The following CDYL variants were observed in gnomAD, a reference collection of about 807,000 sequenced individuals.
CDYL encodes chromodomain Y like, also known as chromodomain Y-like protein.
CDYL carries 8 observed loss-of-function variants against 47.3 expected under a neutral mutation model. That is an observed-to-expected ratio of 0.17 (90% CI 0.10 to 0.31). CDYL has a LOEUF of 0.31. Ranked by LOEUF, CDYL falls within the 10% of genes least tolerant of loss-of-function variation. CDYL has a pLI of 1.00. For synonymous variants in CDYL, 266 were observed against 265.0 expected, an observed-to-expected ratio of 1.00 and a Z score of -0.04; for missense variants, 471 against 701.4, an observed-to-expected ratio of 0.67 and a Z score of 3.71.
At chr6:4,849,383 T>G (rs1760754395) in intron 1 of CDYL, among the ~76,000 whole-genome samples, 1 of 152,194 alleles carries the variant, frequency 6.6e-6, no homozygotes, top group Non-Finnish European at 1.5e-5. Context: ...ACCTTAATGA[T>G]TATCTGACAA....
intron 3 of CDYL, among the ~76,000 whole-genome samples, chr6:4,743,547 C>T (rs1015403207): frequency 6.6e-6 from 1 of 152,186 alleles, no homozygotes; most frequent in African/African-American, 2.4e-5. Context: ...ATGTTGCTTG[C>T]TTTATATTAT....
intron 3 of CDYL, among the ~76,000 whole-genome samples, chr6:4,937,123 A>G (rs1385279792): frequency 6.6e-6 from 1 of 152,206 alleles, no homozygotes; most frequent in Non-Finnish European, 1.5e-5. Flanking sequence ...TTGGGAGGCC[A>G]AGGCAGGAGG....
intron 1 of CDYL, among the ~76,000 whole-genome samples, chr6:4,889,806 T>C (rs1027910967): frequency 6.6e-6 from 1 of 152,218 alleles, no homozygotes; most frequent in African/African-American, 2.4e-5. Context: ...TATGACTTCC[T>C]TATGTATACT....
chr6:4,805,244 A>G (rs1399618326), intron 1 of CDYL, among the ~76,000 whole-genome samples: 1 of 152,268 alleles, frequency 6.6e-6, no homozygotes, highest in Non-Finnish European at 1.5e-5. Context: ...GAACTCATGT[A>G]ATCTAAGTAA....
chr6:4,835,479 C>T (rs1483457322), intron 1 of CDYL, among the ~76,000 whole-genome samples: 2 of 152,220 alleles, frequency 1.3e-5, no homozygotes, highest in Non-Finnish European at 2.9e-5. Context: ...CAGTCCGCCC[C>T]TACTGGGGAG....
rs147015451 is a variant in CDYL at position 4,804,846 on chromosome 6, C to T, written c.24+28039C>T. The stretch of plus-strand genomic sequence containing the variant: ...TAACTGGAAGGCTTTTTTAGTCCAT[C>T]ACTTAAAACACAAACGTGGAAAATG... On this transcript the variant is annotated intron_variant, in intron 1 of 6. Transcript: ENST00000397588. 4.3e-4 allele frequency among the ~76,000 whole-genome samples: 66 copies of T among 152,340 alleles called. No individual in the cohort carries two copies. In the East Asian group the frequency reaches 0.011, roughly 25 times the overall value.
At chr6:4,863,545 G>A (rs769352255) in intron 1 of CDYL, among the ~76,000 whole-genome samples, 32 of 152,184 alleles carry the variant, frequency 2.1e-4, no homozygotes, top group Non-Finnish European at 3.5e-4. Flanking sequence ...TTTGCATTTG[G>A]TGGCATTCTT....
At chr6:4,950,948 A>AAG (rs1758684319) in intron 5 of CDYL, among the ~76,000 whole-genome samples, 1 of 150,058 alleles carries the variant, frequency 6.7e-6, no homozygotes, top group Non-Finnish European at 1.5e-5. Context: ...AAAAAAAAAA[A>AAG]CTTGCAAACC....
intron 1 of CDYL, among the ~76,000 whole-genome samples, chr6:4,709,424 C>T (rs1214335180): frequency 6.6e-6 from 1 of 152,208 alleles, no homozygotes; most frequent in African/African-American, 2.4e-5. Flanking sequence ...TCTTGAACTT[C>T]TGACCTTGTG....
At chr6:4,932,950 T>C (rs1384682682) in intron 2 of CDYL, among the ~76,000 whole-genome samples, 1 of 152,240 alleles carries the variant, frequency 6.6e-6, no homozygotes, top group African/African-American at 2.4e-5. Flanking sequence ...TAGTGAAGCA[T>C]TGCCCATGCT....
At chr6:4,894,209 G>A (rs1032160208) in intron 2 of CDYL, among the ~76,000 whole-genome samples, 17 of 152,208 alleles carry the variant, frequency 1.1e-4, no homozygotes, top group African/African-American at 2.7e-4. Context: ...GGAGAGAACC[G>A]AAGCCAGAAG....
At chr6:4,790,278 T>A (rs1185343918) in intron 1 of CDYL, among the ~76,000 whole-genome samples, 1 of 152,234 alleles carries the variant, frequency 6.6e-6, no homozygotes, top group Non-Finnish European at 1.5e-5. Flanking sequence ...AAATGTATAG[T>A]GAGCAGTTAA....
intron 1 of CDYL, among the ~76,000 whole-genome samples, chr6:4,788,117 G>C (rs2127433436): frequency 6.6e-6 from 1 of 152,100 alleles, no homozygotes; most frequent in African/African-American, 2.4e-5. Context: ...GGAAAGGTCA[G>C]GGTCCTTCTT....
intron 1 of CDYL, among the ~76,000 whole-genome samples, chr6:4,814,038 T>C (rs1280464847): frequency 6.6e-6 from 1 of 151,740 alleles, no homozygotes; most frequent in Non-Finnish European, 1.5e-5. Flanking sequence ...CCTTGGCCTC[T>C]CAAAGCATTG....
intron 1 of CDYL, among the ~76,000 whole-genome samples, chr6:4,707,024 C>T (rs1757058467): frequency 1.3e-5 from 2 of 152,114 alleles, no homozygotes; most frequent in South Asian, 4.1e-4. Context: ...AAAACAGAGG[C>T]ACCAACTACC....
chr6:4,822,854 ACTT>A (rs1344282113), intron 1 of CDYL, among the ~76,000 whole-genome samples: 3 of 152,246 alleles, frequency 2.0e-5, no homozygotes. Context: ...CCACAGGTCT[ACTT>A]CTGTGCTCAC....
intron 2 of CDYL, among the ~76,000 whole-genome samples, chr6:4,718,115 G>T (rs1027782356): frequency 6.6e-6 from 1 of 152,038 alleles, no homozygotes; most frequent in Non-Finnish European, 1.5e-5. Flanking sequence ...GGGATTATAG[G>T]TGTGAGCCAC....
intron 1 of CDYL, among the ~76,000 whole-genome samples, chr6:4,819,979 A>G (rs1759788133): frequency 6.6e-6 from 1 of 152,176 alleles, no homozygotes; most frequent in South Asian, 2.1e-4. Context: ...TGACTTCAGC[A>G]GGACAAGAGT....
At chr6:4,929,493 T>TAC (rs71540836) in intron 2 of CDYL, among the ~76,000 whole-genome samples, 18,991 of 143,850 alleles carry the variant, frequency 0.13, 1,252 homozygotes, top group Middle Eastern at 0.2. Context: ...ATGTTTTACT[T>TAC]ACACACACAC....
Sources: allele counts gnomAD v4.1 joint callset (sites outside exome capture counted in the v4.1 genomes callset), GRCh38; gene constraint gnomAD v4.1.1; transcripts MANE v1.5; gene names NCBI Gene and HGNC (gene_info 2026-07-23, HGNC 2026-07-21).